Variants in NSL1 observed in about 807,000 individuals in gnomAD.
NSL1 encodes the protein NSL1 component of MIS12 kinetochore complex.
In NSL1, 11 loss-of-function variants were observed where a neutral mutation model predicts 25.4. The observed-to-expected ratio is 0.43, with a 90% CI of 0.27 to 0.72. The LOEUF is 0.72. Among genes scored for constraint, NSL1 ranks in the 30% least tolerant of loss-of-function variants. The probability of loss-of-function intolerance (pLI) is 0.19; values close to 1 mark genes in which losing one functional copy is unlikely to be tolerated. For missense variants in NSL1, 330 were observed against 342.7 expected (o/e 0.96, Z 0.29); for synonymous variants, 118 against 120.6 (o/e 0.98, Z 0.14).
At chr1:212,776,907 G>T (rs1278886516) in intron 4 of NSL1, among the ~76,000 whole-genome samples, 2 of 151,638 alleles carry the variant, frequency 1.3e-5, no homozygotes, top group East Asian at 3.9e-4. Flanking sequence ...ACAAACAAAT[G>T]AATTAAGTGC....
intron 4 of NSL1, among the ~76,000 whole-genome samples, chr1:212,742,493 T>G (rs1325904400): frequency 6.6e-6 from 1 of 152,178 alleles, no homozygotes; most frequent in South Asian, 2.1e-4. Flanking sequence ...ATGTCCTTAT[T>G]AAAAGTGTAG....
Position 212,737,974 on chromosome 1 carries a change from GATA to G in NSL1, c.*431_*433del, listed in dbSNP as rs1039375362. 1 of 985,890 alleles carries G rather than the reference GATA, an allele frequency of 1.0e-6. No homozygotes were observed. The highest frequency in any genetic ancestry group is 1.8e-5 in the African/African-American group (1 of 56,842). 61.1% of individuals were successfully genotyped at this position (985,890 alleles called of 1,614,324 possible). A position where few individuals can be genotyped will look rare whatever the true frequency, so the allele number is the denominator to read the frequency against. On this transcript the variant is annotated 3_prime_UTR_variant, in exon 6 of 6. Transcript: ENST00000366977. ...CCTGCATCTGCTGCTGTGCAGAACT[GATA>G]ATTACTTTTCAGCATGTAAACGAAA... is the stretch of plus-strand genomic sequence containing the variant.
Position 212,731,649 on chromosome 1 carries a change from T to C in NSL1, c.*6759A>G. ...CACAGAGTTAATACTTCCCACTTCG[T>C]CAGCTCTTTATTCTGCTGCACTAAA... On this transcript the variant is annotated 3_prime_UTR_variant, in exon 6 of 6. Coordinates refer to ENST00000366977, the MANE Select transcript of NSL1 (RefSeq NM_015471.4). The C allele has an allele frequency of 1.0e-6, 1 of 985,436 alleles. No homozygotes were observed. Among genetic ancestry groups the C allele is most frequent in the Non-Finnish European group, 1.2e-6 (1 of 829,922 alleles). The allele number at this position is 985,436 out of a possible 1,614,324, so 61.0% of individuals were successfully genotyped here. A position where few individuals can be genotyped will look rare whatever the true frequency, so the allele number is the denominator to read the frequency against.
In NSL1 at chr1:212,768,511, G is replaced by A. The variant is rs531826060; in HGVS notation, c.499+13861C>T. ...CCCAAATGCCCATCAACCAACTAGT[G>A]CATAAAGAAAATGTGAATCCTACTC... On this transcript the variant is annotated intron_variant, in intron 4 of 5. Transcript: ENST00000366977. Among the ~76,000 whole-genome samples, 5 of 152,166 alleles carry A rather than the reference G, an allele frequency of 3.3e-5. No homozygotes were observed. The South Asian group carries it at 1.0e-3, about 32-fold the overall frequency.
chr1:212,788,360 C>G (rs1661037249), intron 1 of NSL1, among the ~76,000 whole-genome samples: 1 of 152,156 alleles, frequency 6.6e-6, no homozygotes, highest in African/African-American at 2.4e-5. Context: ...ATACAGTGAG[C>G]TATGATTGCC....
At chr1:212,769,950 A>C (rs962992340) in intron 4 of NSL1, among the ~76,000 whole-genome samples, 1 of 152,180 alleles carries the variant, frequency 6.6e-6, no homozygotes, top group African/African-American at 2.4e-5. Flanking sequence ...TGCCTACAAG[A>C]ACCTCACTTC....
At chr1:212,742,811 T>C (rs768583768) in intron 4 of NSL1, among the ~76,000 whole-genome samples, 2 of 152,318 alleles carry the variant, frequency 1.3e-5, no homozygotes, top group East Asian at 3.9e-4. Flanking sequence ...CATAATTTCT[T>C]ATCATTGTGG....
intron 4 of NSL1, among the ~76,000 whole-genome samples, chr1:212,755,891 G>A (rs1659284399): frequency 6.6e-6 from 1 of 152,046 alleles, no homozygotes; most frequent in African/African-American, 2.4e-5. Context: ...GTCGAATGGA[G>A]GATGTCTACC....
rs544197104 is a variant in NSL1 at position 212,732,008 on chromosome 1, C to A, written c.*6400G>T. The A allele has an allele frequency of 1.7e-5, 17 of 984,292 alleles. No individual in the cohort carries two copies. In the African/African-American group the frequency reaches 3.0e-4, roughly 17 times the overall value. 61.0% of individuals were successfully genotyped at this position (984,292 alleles called of 1,614,324 possible). A position where few individuals can be genotyped will look rare whatever the true frequency, so the allele number is the denominator to read the frequency against. ...TAATTGCTAATTCCCATCCTTTAGC[C>A]TCCCAGTGTAACTGTCCCAATTTTT... On this transcript the variant is annotated 3_prime_UTR_variant, in exon 6 of 6. Coordinates refer to ENST00000366977, the MANE Select transcript of NSL1 (RefSeq NM_015471.4).
chr1:212,750,177 C>G (rs1229403008), intron 4 of NSL1, among the ~76,000 whole-genome samples: 1 of 151,376 alleles, frequency 6.6e-6, no homozygotes, highest in Non-Finnish European at 1.5e-5. Context: ...CATGATGGAC[C>G]AAGGCTATGA....
intron 4 of NSL1, among the ~76,000 whole-genome samples, chr1:212,748,822 T>C (rs1361109130): frequency 6.6e-6 from 1 of 152,194 alleles, no homozygotes; most frequent in East Asian, 1.9e-4. Context: ...ATATGTTCAA[T>C]ATCTTTTTCT....
At chr1:212,779,336 G>A (rs1369966372) in intron 4 of NSL1, among the ~76,000 whole-genome samples, 2 of 142,848 alleles carry the variant, frequency 1.4e-5, no homozygotes, top group African/African-American at 2.6e-5. Flanking sequence ...GGAGGTGGGG[G>A]GGTCAGCCCC....
chr1:212,767,398 T>A (rs1025841752), intron 4 of NSL1, among the ~76,000 whole-genome samples: 2 of 152,154 alleles, frequency 1.3e-5, no homozygotes, highest in African/African-American at 4.8e-5. Flanking sequence ...TCCTCATCTC[T>A]CACCTTATAC....
At chr1:212,776,619 TAC>T (rs1465921002) in intron 4 of NSL1, among the ~76,000 whole-genome samples, 1 of 151,350 alleles carries the variant, frequency 6.6e-6, no homozygotes, top group Non-Finnish European at 1.5e-5. Context: ...AAACACAGTA[TAC>T]AGTTTCCAAA....
chr1:212,767,399 C>T (rs1438474712), intron 4 of NSL1, among the ~76,000 whole-genome samples: 5 of 152,162 alleles, frequency 3.3e-5, no homozygotes, highest in Admixed American at 3.3e-4. Context: ...CCTCATCTCT[C>T]ACCTTATACA....
intron 4 of NSL1, among the ~76,000 whole-genome samples, chr1:212,762,659 G>A (rs1395261775): frequency 6.6e-6 from 1 of 152,240 alleles, no homozygotes; most frequent in Non-Finnish European, 1.5e-5. Flanking sequence ...GAATGAGCCT[G>A]TCTCGGAGCA....
At chr1:212,759,079 G>A (rs915697806) in intron 4 of NSL1, among the ~76,000 whole-genome samples, 1 of 152,090 alleles carries the variant, frequency 6.6e-6, no homozygotes, top group Non-Finnish European at 1.5e-5. Flanking sequence ...ACAAAAGAAT[G>A]AAGGTGGAAA....
In NSL1 at chr1:212,749,292, A is replaced by G. The variant is rs1658949331; in HGVS notation, c.500-9691T>C. Among the ~76,000 whole-genome samples, 4 of 151,806 alleles carry G rather than the reference A, an allele frequency of 2.6e-5. No homozygotes were observed. The South Asian group carries it at 8.3e-4, about 31-fold the overall frequency. ...TTGTTATTATATTGTTTACATTACA[A>G]ACTTTACAAAATAATCCATCACTTA... On this transcript the variant is annotated intron_variant, in intron 4 of 5. Transcript: ENST00000366977.
rs1658133659 is a variant in NSL1, at chr1:212,734,007, A to T, written c.*4401T>A. 1.3e-5 allele frequency among the ~76,000 whole-genome samples: 2 copies of T among 151,956 alleles called. No individual in the cohort carries two copies. The highest frequency in any genetic ancestry group is 1.5e-5 in the Non-Finnish European group (1 of 67,986). ...ATCTTTCTGTTTTATTTTTGGGAAA[A>T]TTTCATTTTATCTCCCAGCCCTCCC... On this transcript the variant is annotated 3_prime_UTR_variant, in exon 6 of 6. Transcript: ENST00000366977.
Sources: allele counts gnomAD v4.1 joint callset (sites outside exome capture counted in the v4.1 genomes callset), GRCh38; gene constraint gnomAD v4.1.1; transcripts MANE v1.5; gene names NCBI Gene and HGNC (gene_info 2026-07-23, HGNC 2026-07-21).